Variants in ZCCHC7 observed in about 807,000 individuals in gnomAD.
The protein encoded by ZCCHC7 is zinc finger CCHC-type containing 7, also known as zinc finger CCHC domain-containing protein 7.
A neutral mutation model predicts 52.0 loss-of-function variants in ZCCHC7; 35 were observed. That is an observed-to-expected ratio of 0.67 (90% confidence interval 0.51 to 0.89). The LOEUF (loss-of-function observed/expected upper bound fraction) is 0.89. Among genes scored for constraint, ZCCHC7 ranks in the 40% least tolerant of loss-of-function variants. The probability of loss-of-function intolerance (pLI) is 0.00; values close to 1 mark genes in which losing one functional copy is unlikely to be tolerated. For missense variants in ZCCHC7, 574 were observed against 649.1 expected (o/e 0.88, Z 1.26); for synonymous variants, 217 against 221.5 (o/e 0.98, Z 0.18).
intron 2 of ZCCHC7, among the ~76,000 whole-genome samples, chr9:37,251,387 A>G (rs981532195): frequency 3.9e-5 from 6 of 152,180 alleles, no homozygotes; most frequent in African/African-American, 7.2e-5. Flanking sequence ...GTCCTCTTGT[A>G]TAGCTATTTG....
chr9:37,247,862 CTG>C (rs1564201190), intron 2 of ZCCHC7, among the ~76,000 whole-genome samples: 1 of 151,978 alleles, frequency 6.6e-6, no homozygotes, highest in Non-Finnish European at 1.5e-5. Flanking sequence ...GATTGCACCA[CTG>C]TGTTCTAGCC....
intron 2 of ZCCHC7, among the ~76,000 whole-genome samples, chr9:37,270,233 T>C (rs1390968282): frequency 6.6e-6 from 1 of 152,238 alleles, no homozygotes; most frequent in Non-Finnish European, 1.5e-5. Context: ...GTGGCTTGCA[T>C]TACATTTCTG....
intron 2 of ZCCHC7, among the ~76,000 whole-genome samples, chr9:37,178,694 T>A (rs1459999196): frequency 6.6e-6 from 1 of 152,244 alleles, no homozygotes; most frequent in Non-Finnish European, 1.5e-5. Flanking sequence ...CAGACGTATT[T>A]TGAGTTTACA....
intron 2 of ZCCHC7, among the ~76,000 whole-genome samples, chr9:37,255,592 C>T (rs1051012547): frequency 6.6e-6 from 1 of 152,032 alleles, no homozygotes; most frequent in Non-Finnish European, 1.5e-5. Flanking sequence ...GGAACATGAA[C>T]CCACCGATAA....
intron 2 of ZCCHC7, among the ~76,000 whole-genome samples, chr9:37,253,478 C>A (rs1826429159): frequency 6.6e-6 from 1 of 151,892 alleles, no homozygotes; most frequent in African/African-American, 2.4e-5. Flanking sequence ...TCCACTTTTT[C>A]TTTATCTATG....
Position 37,146,090 on chromosome 9 carries a change from C to A in ZCCHC7, c.610+19148C>A, listed in dbSNP as rs117654570. Among the ~76,000 whole-genome samples, 82 of 151,962 alleles carry A rather than the reference C, an allele frequency of 5.4e-4. No individual in the cohort carries two copies. In the East Asian group the frequency reaches 0.015, roughly 28 times the overall value. ...AGTGCGATTACTATTTTAACTCATT[C>A]TTCGAGAGTTGCTTCATTTATCTCA... On this transcript the variant is annotated intron_variant, in intron 2 of 8. Coordinates refer to ENST00000336755, the MANE Select transcript of ZCCHC7 (RefSeq NM_032226.3).
intron 6 of ZCCHC7, among the ~76,000 whole-genome samples, chr9:37,336,826 C>T (rs898156658): frequency 1.3e-5 from 2 of 152,260 alleles, no homozygotes; most frequent in South Asian, 4.1e-4. Flanking sequence ...CATCCTGTCT[C>T]CATGCCTTCA....
At chr9:37,310,849 C>T (rs999250919) in intron 5 of ZCCHC7, among the ~76,000 whole-genome samples, 9 of 150,920 alleles carry the variant, frequency 6.0e-5, no homozygotes, top group African/African-American at 2.0e-4. Context: ...CCCAGCTACT[C>T]GGGAGGCTGA....
At chr9:37,121,584 A>G (rs1226907631) in intron 1 of ZCCHC7, 2 of 152,236 alleles carry the variant, frequency 1.3e-5, no homozygotes, top group Admixed American at 1.3e-4. Flanking sequence ...TACTTAGGAA[A>G]GCGTTATGCT....
intron 2 of ZCCHC7, among the ~76,000 whole-genome samples, chr9:37,277,575 TAGAA>T (rs1827741494): frequency 6.6e-6 from 1 of 152,170 alleles, no homozygotes; most frequent in Non-Finnish European, 1.5e-5. Context: ...AGTCAACATT[TAGAA>T]TAAAGAAAAA....
At chr9:37,324,020 C>CT (rs1830148482) in intron 5 of ZCCHC7, among the ~76,000 whole-genome samples, 3 of 152,132 alleles carry the variant, frequency 2.0e-5, no homozygotes, top group Non-Finnish European at 4.4e-5. Flanking sequence ...AGTCCAGAGA[C>CT]TAGAATGGTT....
intron 5 of ZCCHC7, among the ~76,000 whole-genome samples, chr9:37,313,039 C>T (rs1204321703): frequency 2.6e-5 from 4 of 152,154 alleles, no homozygotes; most frequent in Non-Finnish European, 5.9e-5. Context: ...ATTATATTAT[C>T]GTGATAGATT....
intron 2 of ZCCHC7, among the ~76,000 whole-genome samples, chr9:37,192,897 A>G (rs138811952): frequency 1.7e-4 from 26 of 152,296 alleles, no homozygotes; most frequent in Admixed American, 5.9e-4. Flanking sequence ...TTTGAATGAA[A>G]TAAGCTTTGG....
intron 2 of ZCCHC7, among the ~76,000 whole-genome samples, chr9:37,183,915 C>A (rs1284447335): frequency 6.6e-6 from 1 of 152,210 alleles, no homozygotes; most frequent in Non-Finnish European, 1.5e-5. Context: ...GATCTAGTCC[C>A]CTCTTGGCCA....
chr9:37,122,558 T>C (rs1430985771), intron 1 of ZCCHC7, among the ~76,000 whole-genome samples: 1 of 152,246 alleles, frequency 6.6e-6, no homozygotes, highest in African/African-American at 2.4e-5. Flanking sequence ...ATTTGTGAGG[T>C]AAATTTAGGT....
At chr9:37,270,462 A>C (rs1827350048) in intron 2 of ZCCHC7, among the ~76,000 whole-genome samples, 1 of 152,096 alleles carries the variant, frequency 6.6e-6, no homozygotes, top group Non-Finnish European at 1.5e-5. Flanking sequence ...AGGCTGAGGC[A>C]GGTGGATCAC....
intron 2 of ZCCHC7, among the ~76,000 whole-genome samples, chr9:37,151,100 G>A (rs575580337): frequency 2.2e-4 from 33 of 151,966 alleles, no homozygotes; most frequent in African/African-American, 7.0e-4. Context: ...GAGTAGCTGG[G>A]ACTACAGGCG....
intron 5 of ZCCHC7, among the ~76,000 whole-genome samples, chr9:37,319,826 GTTCATTTTGTTTTCTT>G (rs778668052): frequency 6.6e-6 from 1 of 152,116 alleles, no homozygotes; most frequent in Non-Finnish European, 1.5e-5. Context: ...TTAGATCAAG[GTTCATTTTGTTTTCTT>G]TACATATGGT....
intron 6 of ZCCHC7, 36 bp downstream of exon 6, chr9:37,327,870 C>G: frequency 6.2e-7 from 1 of 1,609,132 alleles, no homozygotes; most frequent in Non-Finnish European, 8.5e-7. Context: ...TCCCCAAGAC[C>G]TAGCCTATTT....
Sources: allele counts gnomAD v4.1 joint callset (sites outside exome capture counted in the v4.1 genomes callset), GRCh38; gene constraint gnomAD v4.1.1; transcripts MANE v1.5; gene names NCBI Gene and HGNC (gene_info 2026-07-23, HGNC 2026-07-21).